GPC6: variants seen among roughly 807,000 people sequenced by gnomAD.
GPC6 encodes the protein glypican-6.
A neutral mutation model predicts 55.2 loss-of-function variants in GPC6; 14 were observed. The ratio of observed to expected loss-of-function variants is 0.25; its 90% confidence interval spans 0.17 to 0.40. The LOEUF is 0.40. Among genes scored for constraint, GPC6 ranks in the 10% least tolerant of loss-of-function variants. The pLI is 1.00. For synonymous variants in GPC6, 278 were observed against 259.6 expected (o/e 1.07, Z -0.68); for missense variants, 641 against 708.5 (o/e 0.90, Z 1.08).
intron 3 of GPC6, among the ~76,000 whole-genome samples, chr13:93,976,066 T>A (rs1880502025): frequency 6.6e-6 from 1 of 152,236 alleles, no homozygotes; most frequent in South Asian, 2.1e-4. Flanking sequence ...AATTTTCAGG[T>A]GATCCTCCTA....
chr13:94,326,133 T>C (rs1877101813), intron 6 of GPC6, among the ~76,000 whole-genome samples: 1 of 151,974 alleles, frequency 6.6e-6, no homozygotes, highest in African/African-American at 2.4e-5. Context: ...AAAGATGAAA[T>C]AACTAAAATC....
At chr13:93,812,824 A>C (rs1181862797) in intron 2 of GPC6, among the ~76,000 whole-genome samples, 3 of 152,206 alleles carry the variant, frequency 2.0e-5, no homozygotes, top group Non-Finnish European at 4.4e-5. Context: ...TCATTCTCAT[A>C]ACACTCTATC....
chr13:93,397,419 T>C (rs1875899724), intron 1 of GPC6, among the ~76,000 whole-genome samples: 1 of 152,230 alleles, frequency 6.6e-6, no homozygotes, highest in Non-Finnish European at 1.5e-5. Flanking sequence ...TTCAACATTT[T>C]CTCAAGTGCT....
chr13:93,305,296 T>C (rs1194157726), intron 1 of GPC6, among the ~76,000 whole-genome samples: 1 of 152,148 alleles, frequency 6.6e-6, no homozygotes, highest in Non-Finnish European at 1.5e-5. Context: ...GTAAAACTTC[T>C]CTAGTGATTA....
intron 3 of GPC6, among the ~76,000 whole-genome samples, chr13:93,931,840 T>A (rs1309641871): frequency 6.6e-6 from 1 of 151,450 alleles, no homozygotes; most frequent in Non-Finnish European, 1.5e-5. Context: ...GTTTCTTCTG[T>A]GTTGTCTCTG....
At chr13:94,019,553 T>G (rs936915539) in intron 3 of GPC6, among the ~76,000 whole-genome samples, 3 of 152,156 alleles carry the variant, frequency 2.0e-5, no homozygotes, top group Non-Finnish European at 4.4e-5. Flanking sequence ...TGTTATTTCT[T>G]GCTTATCAAT....
intron 4 of GPC6, among the ~76,000 whole-genome samples, chr13:94,150,836 A>ATATATATATATATATATATATAT (rs1381709746): frequency 6.8e-6 from 1 of 147,218 alleles, no homozygotes; most frequent in Non-Finnish European, 1.5e-5. Flanking sequence ...ATATATGTTT[A>ATATATATATATATATATATATAT]TTGAATGAGT....
intron 4 of GPC6, among the ~76,000 whole-genome samples, chr13:94,139,738 A>G (rs17253635): frequency 0.19 from 28,646 of 152,044 alleles, 2,896 homozygotes; most frequent in South Asian, 0.25. Flanking sequence ...ATGCTGGTAT[A>G]TGATGAGGTT....
intron 2 of GPC6, among the ~76,000 whole-genome samples, chr13:93,793,218 C>T (rs1886099826): frequency 6.6e-6 from 1 of 152,104 alleles, no homozygotes; most frequent in East Asian, 1.9e-4. Flanking sequence ...CTAAGTCATT[C>T]ATTTAATGTT....
At chr13:93,643,491 C>T (rs1229553193) in intron 2 of GPC6, among the ~76,000 whole-genome samples, 3 of 152,088 alleles carry the variant, frequency 2.0e-5, no homozygotes, top group African/African-American at 7.2e-5. Flanking sequence ...ATAGGCTGAA[C>T]AGAGGTAGGC....
intron 2 of GPC6, among the ~76,000 whole-genome samples, chr13:93,608,819 A>G (rs1429160300): frequency 2.6e-5 from 4 of 152,322 alleles, no homozygotes; most frequent in East Asian, 1.9e-4. Context: ...GTTGAAGTCA[A>G]TTCTGCAAAT....
chr13:94,146,034 G>A (rs1887552144), intron 4 of GPC6, among the ~76,000 whole-genome samples: 1 of 152,162 alleles, frequency 6.6e-6, no homozygotes, highest in Non-Finnish European at 1.5e-5. Context: ...AAATGAGCAA[G>A]TAACCAATGA....
chr13:93,345,686 G>T (rs1293904149), intron 1 of GPC6, among the ~76,000 whole-genome samples: 1 of 152,062 alleles, frequency 6.6e-6, no homozygotes, highest in Non-Finnish European at 1.5e-5. Flanking sequence ...ATGCAATAGG[G>T]CCATTTTGTT....
At chr13:93,263,276 A>G (rs1877210892) in intron 1 of GPC6, among the ~76,000 whole-genome samples, 2 of 151,854 alleles carry the variant, frequency 1.3e-5, no homozygotes, top group East Asian at 1.9e-4. Context: ...CTCTGTAGCT[A>G]TTTTATCTGT....
At chr13:93,275,306 A>C (rs878917069) in intron 1 of GPC6, among the ~76,000 whole-genome samples, 1 of 152,222 alleles carries the variant, frequency 6.6e-6, no homozygotes, top group Non-Finnish European at 1.5e-5. Flanking sequence ...TAGTACGTGC[A>C]CATGTGCAAC....
Position 93,622,660 on chromosome 13 carries a change from G to A in GPC6, c.319+77239G>A, listed in dbSNP as rs1879008478. Among the ~76,000 whole-genome samples the A allele has an allele frequency of 2.0e-5, 3 of 151,852 alleles. 1 individual carries two copies. The South Asian group carries it at 6.3e-4, about 32-fold the overall frequency. ...ACATGTAATAAGTGTACATATTTAT[G>A]GAGTACAATCTAATGTTTTAATACA... On this transcript the variant is annotated intron_variant, in intron 2 of 8. Coordinates refer to ENST00000377047, the MANE Select transcript of GPC6 (RefSeq NM_005708.5).
chr13:93,969,785 A>G (rs937351664), intron 3 of GPC6, among the ~76,000 whole-genome samples: 1 of 151,184 alleles, frequency 6.6e-6, no homozygotes, highest in Non-Finnish European at 1.5e-5. Context: ...CATGAGATCC[A>G]CCTTTTTAGC....
intron 2 of GPC6, among the ~76,000 whole-genome samples, chr13:93,580,157 G>A (rs1876867731): frequency 6.6e-6 from 1 of 152,218 alleles, no homozygotes; most frequent in Non-Finnish European, 1.5e-5. Context: ...TCTGATGAGG[G>A]CCTGCTTCAT....
intron 6 of GPC6, among the ~76,000 whole-genome samples, chr13:94,349,660 T>C (rs1878444907): frequency 6.6e-6 from 1 of 152,194 alleles, no homozygotes; most frequent in Admixed American, 6.5e-5. Flanking sequence ...GCTGCTTGCC[T>C]TTGGTCAACC....
Sources: gnomAD v4.1 joint callset for allele counts (sites outside exome capture counted in the v4.1 genomes callset) on GRCh38, gnomAD v4.1.1 for gene constraint, MANE v1.5 for transcripts, NCBI Gene and HGNC (gene_info 2026-07-23, HGNC 2026-07-21) for gene names.